GPC5: variants seen among roughly 807,000 people sequenced by gnomAD.
The protein encoded by GPC5 is glypican 5.
GPC5 carries 47 observed loss-of-function variants against 53.9 expected under a neutral mutation model. The ratio of observed to expected loss-of-function variants is 0.87; its 90% CI spans 0.69 to 1.11. The LOEUF is 1.11. Ranked by LOEUF, GPC5 falls within the 50% of genes most tolerant of loss-of-function variation. The pLI, the probability that GPC5 is intolerant of heterozygous loss-of-function variation, is 0.00. For synonymous variants in GPC5, 286 were observed against 263.3 expected (o/e 1.09, Z -0.84); for missense variants, 748 against 713.1 (o/e 1.05, Z -0.56).
At chr13:91,714,566 T>C (rs545127325) in intron 3 of GPC5, among the ~76,000 whole-genome samples, 1 of 152,288 alleles carries the variant, frequency 6.6e-6, no homozygotes, top group African/African-American at 2.4e-5. Flanking sequence ...AGATACTATA[T>C]ATAAATGTGT....
chr13:91,737,007 G>A (rs977878930), intron 4 of GPC5, among the ~76,000 whole-genome samples: 5 of 151,194 alleles, frequency 3.3e-5, no homozygotes, highest in Admixed American at 6.6e-5. Flanking sequence ...GGGAGGCTGA[G>A]GCAGGAGAAT....
intron 7 of GPC5, among the ~76,000 whole-genome samples, chr13:92,311,110 A>G (rs953001885): frequency 1.6e-4 from 25 of 152,178 alleles, no homozygotes; most frequent in African/African-American, 5.3e-4. Flanking sequence ...AAAAACAAGA[A>G]AAACAAAAAG....
At chr13:92,624,080 A>ATTTTTT (rs35437038) in intron 7 of GPC5, among the ~76,000 whole-genome samples, 2 of 138,968 alleles carry the variant, frequency 1.4e-5, no homozygotes, top group Non-Finnish European at 1.5e-5. Flanking sequence ...CAGGCTGGTA[A>ATTTTTT]TTTTTTTTTT....
chr13:91,402,454 A>T (rs73612172), intron 1 of GPC5, among the ~76,000 whole-genome samples: 14,652 of 152,204 alleles, frequency 0.096, 1,766 homozygotes, highest in African/African-American at 0.28. Context: ...TTTCATTCTC[A>T]CACCTAAGAA....
intron 5 of GPC5, among the ~76,000 whole-genome samples, chr13:91,865,962 G>T (rs947132893): frequency 3.3e-5 from 5 of 152,162 alleles, no homozygotes; most frequent in Non-Finnish European, 7.3e-5. Flanking sequence ...CTGCCTCCTG[G>T]GTTAAAGTGC....
At chr13:91,760,613 A>G (rs183763407) in intron 5 of GPC5, among the ~76,000 whole-genome samples, 2 of 152,174 alleles carry the variant, frequency 1.3e-5, no homozygotes, top group African/African-American at 4.8e-5. Context: ...ATAAGAGTGA[A>G]GCAATTATTT....
intron 7 of GPC5, among the ~76,000 whole-genome samples, chr13:92,418,212 G>GA (rs1346478069): frequency 6.6e-6 from 1 of 152,016 alleles, no homozygotes; most frequent in East Asian, 1.9e-4. Flanking sequence ...TTTTTGGGGT[G>GA]AAAAAAATAT....
chr13:91,486,368 T>C (rs1339053603), intron 2 of GPC5: 1 of 152,244 alleles, frequency 6.6e-6, no homozygotes. Context: ...ACATTGGCCT[T>C]GTCGCTGAAC....
At chr13:92,079,070 A>T (rs2041274752) in intron 6 of GPC5, among the ~76,000 whole-genome samples, 1 of 150,934 alleles carries the variant, frequency 6.6e-6, no homozygotes. Context: ...TTTTTTTTCG[A>T]GATGGAATTT....
chr13:92,553,108 T>C (rs1215738638), intron 7 of GPC5, among the ~76,000 whole-genome samples: 2 of 151,958 alleles, frequency 1.3e-5, no homozygotes, highest in African/African-American at 4.8e-5. Context: ...ATTTGCATAA[T>C]TGATGTTACC....
intron 2 of GPC5, among the ~76,000 whole-genome samples, chr13:91,683,850 C>T (rs1235848957): frequency 6.6e-6 from 1 of 152,146 alleles, no homozygotes; most frequent in Non-Finnish European, 1.5e-5. Context: ...ACCTCATAGC[C>T]CCCTCCAGTG....
At chr13:91,423,031 C>T (rs1418044209) in intron 1 of GPC5, among the ~76,000 whole-genome samples, 1 of 152,162 alleles carries the variant, frequency 6.6e-6, no homozygotes, top group African/African-American at 2.4e-5. Flanking sequence ...AACTTGAATT[C>T]ACACCTTATG....
chr13:92,238,666 C>T (rs1391317536), intron 7 of GPC5, among the ~76,000 whole-genome samples: 4 of 151,828 alleles, frequency 2.6e-5, no homozygotes, highest in African/African-American at 7.2e-5. Context: ...TACACAAGTC[C>T]GTTATTAGAC....
chr13:92,400,231 G>A (rs1875495402), intron 7 of GPC5, among the ~76,000 whole-genome samples: 1 of 152,100 alleles, frequency 6.6e-6, no homozygotes, highest in South Asian at 2.1e-4. Flanking sequence ...TGACCAAGTT[G>A]TGTTTGACAA....
At chr13:92,363,786 G>T (rs906620495) in intron 7 of GPC5, among the ~76,000 whole-genome samples, 1 of 151,706 alleles carries the variant, frequency 6.6e-6, no homozygotes, top group African/African-American at 2.4e-5. Context: ...TAAAAATCCA[G>T]CAATGAACAA....
chr13:92,684,806 A>C (rs1183930497), intron 7 of GPC5, among the ~76,000 whole-genome samples: 1 of 152,174 alleles, frequency 6.6e-6, no homozygotes, highest in Non-Finnish European at 1.5e-5. Flanking sequence ...GTGTCATAAG[A>C]AACTGCTAAA....
intron 5 of GPC5, among the ~76,000 whole-genome samples, chr13:91,760,890 A>T (rs1566666790): frequency 2.0e-5 from 3 of 152,190 alleles, no homozygotes; most frequent in Non-Finnish European, 4.4e-5. Flanking sequence ...GATTTCGAAG[A>T]CTGTATTCAT....
At chr13:91,498,725 C>T (rs1254935643) in intron 2 of GPC5, among the ~76,000 whole-genome samples, 1 of 152,034 alleles carries the variant, frequency 6.6e-6, no homozygotes, top group African/African-American at 2.4e-5. Flanking sequence ...TGCAGTTGCA[C>T]TTTGGGAGGC....
chr13:92,134,896 A>C (rs916172221), intron 6 of GPC5, among the ~76,000 whole-genome samples: 2 of 152,104 alleles, frequency 1.3e-5, no homozygotes, highest in Non-Finnish European at 2.9e-5. Context: ...CATCAAGAAA[A>C]TCTTACATTT....
Sources: allele counts gnomAD v4.1 joint callset (sites outside exome capture counted in the v4.1 genomes callset), GRCh38; gene constraint gnomAD v4.1.1; transcripts MANE v1.5; gene names NCBI Gene and HGNC (gene_info 2026-07-23, HGNC 2026-07-21).